Variants in C19orf44 observed in about 807,000 individuals in gnomAD.
The protein encoded by C19orf44 is chromosome 19 open reading frame 44, also known as uncharacterized protein C19orf44.
A neutral mutation model predicts 50.7 loss-of-function variants in C19orf44; 43 were observed. That is an observed-to-expected ratio of 0.85 (90% CI 0.66 to 1.09). The LOEUF is 1.09. Among genes scored for constraint, C19orf44 ranks in the 50% least tolerant of loss-of-function variants. The pLI is 0.00. For synonymous variants in C19orf44, 298 were observed against 334.7 expected, an observed-to-expected ratio of 0.89 and a Z score of 1.20; for missense variants, 722 against 836.2, an observed-to-expected ratio of 0.86 and a Z score of 1.68.
Position 16,520,255 on chromosome 19 carries a change from T to C in C19orf44, c.*202T>C, listed in dbSNP as rs779091226. ...GAGCGGCTTCTGGAGGAGCGCGACC[T>C]GCTCCGACTTCTGCAGGGAAGGGTG... On this transcript the variant is annotated 3_prime_UTR_variant, in exon 9 of 9. Coordinates refer to ENST00000221671, the MANE Select transcript of C19orf44 (RefSeq NM_032207.4). This position sits in a 1 kb window ranked among gnomAD's most constrained non-coding sequence, Gnocchi z 4.0. 6.2e-7 allele frequency: 1 copy of C among 1,613,396 alleles called. No homozygotes were observed. The highest frequency in any genetic ancestry group is 8.5e-7 in the Non-Finnish European group (1 of 1,179,990).
At chr19:16,514,311 G>C (rs566892788) in intron 6 of C19orf44, among the ~76,000 whole-genome samples, 186 bp from the exon 7 acceptor site, 1 of 151,846 alleles carries the variant, frequency 6.6e-6, no homozygotes, top group Non-Finnish European at 1.5e-5. Context: ...TTAAACCCAG[G>C]AGTTCGAGGC....
rs550146064 is a variant in C19orf44 at position 16,510,376 on chromosome 19, G to A, written c.1639+388G>A. Among the ~76,000 whole-genome samples the A allele has an allele frequency of 3.3e-5, 5 of 152,208 alleles. No homozygotes were observed. The South Asian group carries it at 1.0e-3, about 32-fold the overall frequency. The stretch of plus-strand genomic sequence containing the variant: ...AGATGATGCCCCTGCACTCCAGCCT[G>A]GGTGACAGAATGAGACTCTGTCTCA... On this transcript the variant is annotated intron_variant, in intron 5 of 8. Transcript: ENST00000221671.
Position 16,514,683 on chromosome 19 carries a change from G to C in C19orf44, c.1902+20G>C. The C allele has an allele frequency of 6.5e-7, 1 of 1,544,914 alleles. No homozygotes were observed. The highest frequency in any genetic ancestry group is 1.2e-5 in the South Asian group (1 of 83,420). On this transcript the variant is annotated intron_variant, in intron 7 of 8. Transcript: ENST00000221671. ...AAAGAGGTGAGCGCAGCTCCCCATG[G>C]GCAGGGGCAGGGCAGTAGGGGAGCG...
At position 16,520,635 on chromosome 19, in the gene C19orf44, G is replaced by A; in HGVS notation, c.*582G>A. ...CTGTGGATGTGGCGCCATAGCCACA[G>A]CAACGGTACCAAGTTCCTAAATAGT... On this transcript the variant is annotated 3_prime_UTR_variant, in exon 9 of 9. Transcript: ENST00000221671. This position sits in a 1 kb window ranked among gnomAD's most constrained non-coding sequence, Gnocchi z 4.0. 1 of 1,231,916 alleles carries A rather than the reference G, an allele frequency of 8.1e-7. No homozygotes were observed. Among genetic ancestry groups the A allele is most frequent in the South Asian group, 1.4e-5 (1 of 72,864 alleles). 76.3% of individuals were successfully genotyped at this position (1,231,916 alleles called of 1,614,324 possible). A position where few individuals can be genotyped will look rare whatever the true frequency, so the allele number is the denominator to read the frequency against.
rs758462254 is a variant in C19orf44 at position 16,519,759 on chromosome 19, A to C, written c.*41-335A>C. Reference sequence around the variant, plus strand: ...ATTCTTTTTAAGAAGTAACTGAGACATTTATTGGAATGACAGTGATGAGGA... The same window carrying C: ...ATTCTTTTTAAGAAGTAACTGAGACCTTTATTGGAATGACAGTGATGAGGA... On this transcript the variant is annotated intron_variant, in intron 8 of 8. Transcript: ENST00000221671. The surrounding 1 kb of genome is among the most constrained non-coding windows in gnomAD (Gnocchi z 6.0). 1 of 1,501,822 alleles carries C rather than the reference A, an allele frequency of 6.7e-7. No homozygotes were observed. Among genetic ancestry groups the C allele is most frequent in the Non-Finnish European group, 9.3e-7 (1 of 1,078,220 alleles). 93.0% of individuals were successfully genotyped at this position (1,501,822 alleles called of 1,614,324 possible). A position where few individuals can be genotyped will look rare whatever the true frequency, so the allele number is the denominator to read the frequency against.
intron 6 of C19orf44, among the ~76,000 whole-genome samples, chr19:16,514,161 T>G (rs1262942908): frequency 6.6e-6 from 1 of 151,620 alleles, no homozygotes; most frequent in Non-Finnish European, 1.5e-5. Context: ...CTAATTTTTT[T>G]TTTTGTTTTT....
intron 5 of C19orf44, among the ~76,000 whole-genome samples, chr19:16,512,231 T>C (rs1338239376): frequency 6.6e-6 from 1 of 152,026 alleles, no homozygotes; most frequent in Admixed American, 6.6e-5. Context: ...TCAGAATTGT[T>C]TGTGTCTCTC....
chr19:16,502,311 C>T (rs1310659835), intron 2 of C19orf44, among the ~76,000 whole-genome samples: 3 of 148,420 alleles, frequency 2.0e-5, no homozygotes, highest in African/African-American at 5.0e-5. Context: ...GATCTCGGCT[C>T]ACTGCAACTT....
chr19:16,520,962 G>C lies in C19orf44; in HGVS notation c.*909G>C, dbSNP rs759830464. The C allele has an allele frequency of 2.0e-6, 3 of 1,525,330 alleles. No homozygotes were observed. The highest frequency in any genetic ancestry group is 2.7e-6 in the Non-Finnish European group (3 of 1,101,420). The allele number at this position is 1,525,330 out of a possible 1,614,324, so 94.5% of individuals were successfully genotyped here. On this transcript the variant is annotated 3_prime_UTR_variant, in exon 9 of 9. Transcript: ENST00000221671. This position sits in a 1 kb window ranked among gnomAD's most constrained non-coding sequence, Gnocchi z 4.0. ...TGACCACGTGACACCCACCCACAAG[G>C]AAGTCGTGAAAAAGTCATCAGGAGT...
At chr19:16,497,242 C>T (rs1338017565) in intron 1 of C19orf44, among the ~76,000 whole-genome samples, 2 of 151,688 alleles carry the variant, frequency 1.3e-5, no homozygotes, top group African/African-American at 4.8e-5. Context: ...GTCACAGCAC[C>T]GGCCCGATCT....
intron 5 of C19orf44, among the ~76,000 whole-genome samples, chr19:16,511,966 G>A (rs1263883991): frequency 2.2e-5 from 3 of 138,964 alleles, no homozygotes; most frequent in African/African-American, 8.2e-5. Flanking sequence ...AGTGAGCTGA[G>A]ATCGTGCCAT....
At chr19:16,515,336 G>C (rs928346068) in intron 7 of C19orf44, among the ~76,000 whole-genome samples, 2 of 152,150 alleles carry the variant, frequency 1.3e-5, no homozygotes, top group African/African-American at 4.8e-5. Flanking sequence ...ACTCCAGCTC[G>C]GGTGACGAGC....
rs546493260 is a variant in C19orf44, at chr19:16,515,098, C to T, written c.1902+435C>T. 1.2e-4 allele frequency among the ~76,000 whole-genome samples: 18 copies of T among 152,234 alleles called. No homozygotes were observed. The South Asian group carries it at 3.3e-3, about 28-fold the overall frequency. ...TTTTATCTGATTACCAGCCAGGTGC[C>T]GTGGCTCACACCTGGTGCTTTGGGA... On this transcript the variant is annotated intron_variant, in intron 7 of 8. Coordinates refer to ENST00000221671, the MANE Select transcript of C19orf44 (RefSeq NM_032207.4).
chr19:16,503,227 G>A lies in C19orf44; in HGVS notation c.922G>A (p.Ala308Thr), dbSNP rs751801097. The change falls in exon 3 of 9, where the codon GCC becomes ACC. Residue 308 changes from alanine (A) to threonine (T), a missense_variant. Transcript: ENST00000221671. ...ACAGAGTCACGTTTCCAGTGACACC[G>A]CCTCCCACACGCCGTCAGTTTCCAT... ...YPQSHVSSDT[A>T]SHTPSVSITG... The A allele has an allele frequency of 9.9e-6, 16 of 1,613,954 alleles. No individual in the cohort carries two copies. In the African/African-American group the frequency reaches 1.1e-4, roughly 11 times the overall value.
chr19:16,504,660 C>T (rs778544079), intron 3 of C19orf44, among the ~76,000 whole-genome samples: 3 of 151,770 alleles, frequency 2.0e-5, no homozygotes, highest in Non-Finnish European at 4.4e-5. Flanking sequence ...GGTGCAGTGG[C>T]GTGATCTCAG....
chr19:16,512,942 G>T, intron 5 of C19orf44, 72 bp from the exon 6 acceptor site: 9 of 1,240,076 alleles, frequency 7.3e-6, no homozygotes, highest in Non-Finnish European at 1.0e-5. Context: ...TTATTCCAGG[G>T]TCGTATCTGT....
chr19:16,517,301 A>T lies in C19orf44; in HGVS notation c.1974A>T (p.Ter658CysextTer7). 6.2e-7 allele frequency: 1 copy of T among 1,614,030 alleles called. No homozygotes were observed. Among genetic ancestry groups the T allele is most frequent in the Non-Finnish European group, 8.5e-7 (1 of 1,179,938 alleles). ...DALEEVNKEL[*>C] Reference sequence around the variant, plus strand: ...TGGAGGAGGTGAACAAGGAGCTGTGAGCGCCAGCAGGTGGAGCTTGACGTG... The same window carrying T: ...TGGAGGAGGTGAACAAGGAGCTGTGTGCGCCAGCAGGTGGAGCTTGACGTG... Residue 658 changes from the stop codon to cysteine, a stop_lost, in exon 8 of 9, where the codon TGA becomes TGT. Transcript: ENST00000221671.
Position 16,520,491 on chromosome 19 carries a change from G to T in C19orf44, c.*438G>T, listed in dbSNP as rs768121192. 2.5e-6 allele frequency: 4 copies of T among 1,613,498 alleles called. No homozygotes were observed. Among genetic ancestry groups the T allele is most frequent in the Non-Finnish European group, 3.4e-6 (4 of 1,179,772 alleles). On this transcript the variant is annotated 3_prime_UTR_variant, in exon 9 of 9. Transcript: ENST00000221671. This position sits in a 1 kb window ranked among gnomAD's most constrained non-coding sequence, Gnocchi z 4.0. ...CGCCCTCGACTCTTGGATCTGCTCCGAGACCTCGAGGGTCCGCTGTGGGGA... is the reference window on the plus strand; with the variant it reads ...CGCCCTCGACTCTTGGATCTGCTCCTAGACCTCGAGGGTCCGCTGTGGGGA...
Position 16,503,115 on chromosome 19 carries a change from C to T in C19orf44, c.810C>T (p.Ser270=), listed in dbSNP as rs767323492. ...CTGTACCCAGCGTGGAACTCTCCAG[C>T]GCAAAGCCTTCTCAGACATCACACC... The part of the protein sequence containing the change: ...AFTVPSVELS[S]AKPSQTSHLP... Residue 270 remains serine, a synonymous_variant, in exon 3 of 9, where the codon AGC becomes AGT. Transcript: ENST00000221671. 5.6e-6 allele frequency: 9 copies of T among 1,614,124 alleles called. No homozygotes were observed. The highest frequency in any genetic ancestry group is 2.2e-5 in the South Asian group (2 of 91,092).
Sources: gnomAD v4.1 joint callset for allele counts (sites outside exome capture counted in the v4.1 genomes callset) on GRCh38, gnomAD v4.1.1 for gene constraint, Gnocchi (gnomAD v3.1) non-coding constraint, MANE v1.5 for transcripts, NCBI Gene and HGNC (gene_info 2026-07-23, HGNC 2026-07-21) for gene names.